Variants in COL24A1 observed in about 807,000 individuals in gnomAD.
COL24A1 encodes the protein collagen alpha-1(XXIV) chain.
Under a neutral mutation model 253.9 loss-of-function variants are expected in COL24A1, and 224 were observed. The observed-to-expected ratio is 0.88, with a 90% CI of 0.79 to 0.99. The LOEUF is 0.99. Ranked by LOEUF, COL24A1 falls within the 50% of genes least tolerant of loss-of-function variation. The probability of loss-of-function intolerance (pLI) is 0.00; values close to 1 mark genes in which losing one functional copy is unlikely to be tolerated. For synonymous variants in COL24A1, 685 were observed against 673.7 expected (o/e 1.02, Z -0.26); for missense variants, 2,131 against 2,068.5 (o/e 1.03, Z -0.59).
At chr1:85,964,480 C>T (rs1467791174) in intron 23 of COL24A1, among the ~76,000 whole-genome samples, 1 of 151,906 alleles carries the variant, frequency 6.6e-6, no homozygotes, top group Non-Finnish European at 1.5e-5. Flanking sequence ...AATTGAAAAC[C>T]CCAGCAGTTA....
At chr1:85,884,628 G>C (rs776223072) in intron 32 of COL24A1, among the ~76,000 whole-genome samples, 17 of 152,174 alleles carry the variant, frequency 1.1e-4, no homozygotes, top group Non-Finnish European at 5.9e-5. Flanking sequence ...GAGGGGGCTG[G>C]AGTGGAATAT....
chr1:86,120,445 G>GA (rs1412032430), intron 3 of COL24A1, among the ~76,000 whole-genome samples: 3 of 152,112 alleles, frequency 2.0e-5, no homozygotes, highest in Admixed American at 6.5e-5. Flanking sequence ...ACATTTACAA[G>GA]AAAAAATCAA....
chr1:85,865,563 G>C (rs941126360), intron 37 of COL24A1, among the ~76,000 whole-genome samples: 3 of 151,972 alleles, frequency 2.0e-5, no homozygotes, highest in Non-Finnish European at 4.4e-5. Flanking sequence ...TGCTCTACTC[G>C]TCACCAGCTG....
chr1:86,080,690 GC>G (rs1702574754), intron 7 of COL24A1, among the ~76,000 whole-genome samples: 1 of 151,816 alleles, frequency 6.6e-6, no homozygotes, highest in Non-Finnish European at 1.5e-5. Flanking sequence ...AAAAATTTGA[GC>G]CCTAAAAATA....
intron 19 of COL24A1, 69 bp downstream of exon 19, chr1:86,017,081 AT>A (rs778815323): frequency 7.8e-5 from 104 of 1,341,514 alleles, no homozygotes; most frequent in Non-Finnish European, 1.1e-4. Context: ...ATGTTGAAAC[AT>A]GTTTTATCAA....
chr1:85,904,772 G>A (rs1684644335), intron 28 of COL24A1, among the ~76,000 whole-genome samples: 1 of 151,942 alleles, frequency 6.6e-6, no homozygotes, highest in African/African-American at 2.4e-5. Flanking sequence ...ATTTGTTTGG[G>A]GTTTTCCTGT....
intron 53 of COL24A1, among the ~76,000 whole-genome samples, chr1:85,764,075 A>G (rs1396791391): frequency 1.3e-5 from 2 of 152,052 alleles, no homozygotes; most frequent in African/African-American, 4.8e-5. Flanking sequence ...ATGTAAATGC[A>G]ATCTTGATTT....
intron 37 of COL24A1, among the ~76,000 whole-genome samples, chr1:85,852,147 T>G (rs1677843935): frequency 6.6e-6 from 1 of 152,178 alleles, no homozygotes; most frequent in South Asian, 2.1e-4. Flanking sequence ...GGAGAGTATT[T>G]TTTTTTTCAT....
chr1:86,108,620 T>TAAAAAAAAAAAAAAAAAAAAAA (rs55852463), intron 5 of COL24A1, among the ~76,000 whole-genome samples: 3 of 83,102 alleles, frequency 3.6e-5, no homozygotes, highest in African/African-American at 1.5e-4. Flanking sequence ...CCATCTCTAC[T>TAAAAAAAAAAAAAAAAAAAAAA]AAAAAAAAAA....
chr1:85,970,138 T>C lies in COL24A1; in HGVS notation c.2463+89A>G. On this transcript the variant is annotated intron_variant, in intron 22 of 59. Transcript: ENST00000370571. Reference sequence around the variant, plus strand: ...TTGTTTTCATTTTTGTCCTTTACTATAATGTAAAATGTTATGATGTTAAAA... The same window carrying C: ...TTGTTTTCATTTTTGTCCTTTACTACAATGTAAAATGTTATGATGTTAAAA... The C allele has an allele frequency of 2.5e-6, 3 of 1,194,092 alleles. No individual in the cohort carries two copies. The Admixed American group carries it at 7.6e-5, about 30-fold the overall frequency. 74.0% of individuals were successfully genotyped at this position (1,194,092 alleles called of 1,614,324 possible). A position where few individuals can be genotyped will look rare whatever the true frequency, so the allele number is the denominator to read the frequency against.
chr1:85,747,593 C>T (rs1275305972), intron 55 of COL24A1, among the ~76,000 whole-genome samples: 1 of 152,018 alleles, frequency 6.6e-6, no homozygotes, highest in Non-Finnish European at 1.5e-5. Context: ...CACTTTTGTG[C>T]ATTTCTGTAA....
chr1:85,743,692 C>T (rs1421838804), intron 57 of COL24A1, among the ~76,000 whole-genome samples: 5 of 152,124 alleles, frequency 3.3e-5, no homozygotes, highest in African/African-American at 9.7e-5. Flanking sequence ...TACAGAATTA[C>T]ACTTTAATGC....
chr1:85,835,200 A>ACCTCTGCCTCTG (rs149535934), intron 43 of COL24A1, among the ~76,000 whole-genome samples: 1 of 151,248 alleles, frequency 6.6e-6, no homozygotes, highest in African/African-American at 2.4e-5. Flanking sequence ...GCTCACTGCA[A>ACCTCTGCCTCTG]CCTCTGCCTC....
chr1:85,947,398 T>C (rs531038496), intron 24 of COL24A1, among the ~76,000 whole-genome samples: 1 of 152,186 alleles, frequency 6.6e-6, no homozygotes, highest in African/African-American at 2.4e-5. Flanking sequence ...ATAGGTGACA[T>C]GGAGAAGGGA....
intron 23 of COL24A1, among the ~76,000 whole-genome samples, chr1:85,963,529 G>A (rs1378965402): frequency 2.0e-5 from 3 of 152,030 alleles, no homozygotes; most frequent in Admixed American, 6.6e-5. Flanking sequence ...TGTCTTTGAC[G>A]ACAATGAAAG....
At chr1:85,867,349 T>C (rs768759791) in intron 37 of COL24A1, among the ~76,000 whole-genome samples, 8 of 152,200 alleles carry the variant, frequency 5.3e-5, no homozygotes, top group Non-Finnish European at 1.2e-4. Flanking sequence ...AATGTGGAAA[T>C]ACTGGAGCAC....
In COL24A1 at chr1:85,860,551, C is replaced by T. The variant is rs1396445759; in HGVS notation, c.3300+7968G>A. The stretch of plus-strand genomic sequence containing the variant: ...GGTCAGGAGATTGAGATCAACCTGG[C>T]TAACACGGTGAAATCCCATCTCTAC... On this transcript the variant is annotated intron_variant, in intron 37 of 59. Coordinates refer to ENST00000370571, the MANE Select transcript of COL24A1 (RefSeq NM_152890.7). Among the ~76,000 whole-genome samples the T allele has an allele frequency of 2.0e-5, 3 of 152,300 alleles. No individual in the cohort carries two copies. The East Asian group carries it at 5.8e-4, about 29-fold the overall frequency.
chr1:86,144,523 A>G (rs972975301), intron 2 of COL24A1, among the ~76,000 whole-genome samples: 11 of 152,116 alleles, frequency 7.2e-5, no homozygotes, highest in Non-Finnish European at 1.2e-4. Context: ...CAGTTTCTTC[A>G]TCTATAATAC....
At chr1:85,978,613 A>C (rs749247111) in intron 20 of COL24A1, among the ~76,000 whole-genome samples, 4 of 152,200 alleles carry the variant, frequency 2.6e-5, no homozygotes, top group African/African-American at 4.8e-5. Flanking sequence ...ATATAATGAT[A>C]AAAGGATCAG....
Sources: gnomAD v4.1 joint callset for allele counts (sites outside exome capture counted in the v4.1 genomes callset) on GRCh38, gnomAD v4.1.1 for gene constraint, MANE v1.5 for transcripts, NCBI Gene and HGNC (gene_info 2026-07-23, HGNC 2026-07-21) for gene names.